The following TRDN variants were observed in gnomAD, a reference collection of about 807,000 sequenced individuals.
TRDN encodes the protein triadin, also known as triadin in skeletal muscle.
In TRDN, 161 loss-of-function variants were observed where a neutral mutation model predicts 149.7. The ratio of observed to expected loss-of-function variants is 1.08; its 90% CI spans 0.95 to 1.23. The LOEUF (loss-of-function observed/expected upper bound fraction) is 1.23. Among genes scored for constraint, TRDN ranks in the 50% most tolerant of loss-of-function variants. The pLI is 0.00. For missense variants in TRDN, 896 were observed against 823.5 expected (o/e 1.09, Z -1.08); for synonymous variants, 294 against 250.5 (o/e 1.17, Z -1.64).
At chr6:123,536,690 TAAATAA>T (rs1445299553) in intron 4 of TRDN, among the ~76,000 whole-genome samples, 1 of 128,632 alleles carries the variant, frequency 7.8e-6, no homozygotes, top group African/African-American at 3.0e-5. Flanking sequence ...ATCTCTACAA[TAAATAA>T]ATAAATAAAT....
intron 29 of TRDN, among the ~76,000 whole-genome samples, chr6:123,272,195 AGGATT>A (rs1257008740): frequency 6.6e-6 from 1 of 151,974 alleles, no homozygotes; most frequent in Non-Finnish European, 1.5e-5. Flanking sequence ...AAGTAAGCAA[AGGATT>A]TCCTAAGATT....
At chr6:123,383,119 A>G (rs945839254) in intron 14 of TRDN, among the ~76,000 whole-genome samples, 9 of 152,052 alleles carry the variant, frequency 5.9e-5, no homozygotes, top group African/African-American at 2.2e-4. Flanking sequence ...TTGCAAGTTA[A>G]TGGATTTCTG....
At chr6:123,430,378 T>A (rs964173879) in intron 12 of TRDN, among the ~76,000 whole-genome samples, 22 of 151,350 alleles carry the variant, frequency 1.5e-4, no homozygotes, top group African/African-American at 4.1e-4. Flanking sequence ...GTCAGGAGAT[T>A]GAGACCACCC....
chr6:123,536,140 G>A (rs182466757), intron 4 of TRDN, among the ~76,000 whole-genome samples: 131 of 152,214 alleles, frequency 8.6e-4, no homozygotes, highest in African/African-American at 3.1e-3. Flanking sequence ...AGCATCATTT[G>A]TGTCAAGTAA....
At chr6:123,354,715 A>C (rs1780593102) in intron 20 of TRDN, among the ~76,000 whole-genome samples, 1 of 151,730 alleles carries the variant, frequency 6.6e-6, no homozygotes, top group Non-Finnish European at 1.5e-5. Flanking sequence ...CTTAACATAC[A>C]TCTAATTGAA....
chr6:123,242,812 T>C (rs1776037869), intron 38 of TRDN, among the ~76,000 whole-genome samples: 1 of 151,750 alleles, frequency 6.6e-6, no homozygotes, highest in Non-Finnish European at 1.5e-5. Context: ...ATACTAGATA[T>C]GGGAGAGTTC....
chr6:123,538,312 G>T (rs1443582003), intron 4 of TRDN, among the ~76,000 whole-genome samples: 1 of 152,040 alleles, frequency 6.6e-6, no homozygotes, highest in Non-Finnish European at 1.5e-5. Flanking sequence ...CAGATTAATT[G>T]TAACAGATGA....
At chr6:123,547,295 A>G in intron 4 of TRDN, 45 bp downstream of exon 4, 1 of 1,229,756 alleles carries the variant, frequency 8.1e-7, no homozygotes, top group Non-Finnish European at 1.1e-6. Flanking sequence ...AACCAATATT[A>G]CCATAAGAGA....
Position 123,377,909 on chromosome 6 carries a change from T to C in TRDN, c.1187-11A>G. On this transcript the variant is annotated splice_polypyrimidine_tract_variant and intron_variant, in intron 16 of 40. Coordinates refer to ENST00000334268, the MANE Select transcript of TRDN (RefSeq NM_006073.4). ...CTTTCTTTTCCTGTTCTGAAACATA[T>C]TATTATTGTTATTATTATTATCGTT... The C allele has an allele frequency of 7.1e-7, 1 of 1,398,668 alleles. No homozygotes were observed. The highest frequency in any genetic ancestry group is 9.7e-7 in the Non-Finnish European group (1 of 1,026,552). The allele number at this position is 1,398,668 out of a possible 1,614,324, so 86.6% of individuals were successfully genotyped here. A position where few individuals can be genotyped will look rare whatever the true frequency, so the allele number is the denominator to read the frequency against.
At chr6:123,382,234 A>ATTTT in intron 14 of TRDN, 87 bp from the exon 15 acceptor site, 6 of 847,246 alleles carry the variant, frequency 7.1e-6, no homozygotes, top group Non-Finnish European at 1.0e-5. Context: ...TAAACAATCA[A>ATTTT]ATAAAATTGA....
chr6:123,389,319 A>G (rs1782021596), intron 13 of TRDN: 1 of 152,208 alleles, frequency 6.6e-6, no homozygotes, highest in South Asian at 2.1e-4. Context: ...ATCTTAGGCC[A>G]CATTAGTTGA....
intron 1 of TRDN, among the ~76,000 whole-genome samples, chr6:123,596,976 G>T (rs1784067105): frequency 6.6e-6 from 1 of 152,020 alleles, no homozygotes; most frequent in South Asian, 2.1e-4. Context: ...ATGGATCAAA[G>T]AGTAATTTTT....
Position 123,269,869 on chromosome 6 carries a change from G to C in TRDN, c.1721-3C>G. The C allele has an allele frequency of 1.2e-6, 2 of 1,610,286 alleles. No homozygotes were observed. The highest frequency in any genetic ancestry group is 8.5e-7 in the Non-Finnish European group (1 of 1,177,874). ...CTTACTTGTTGGTTTGGGCTTGGCT[G>C]TGGAGAATGGAGGCAAGCACATGGC... On this transcript the variant is annotated splice_region_variant and splice_polypyrimidine_tract_variant and intron_variant, in intron 30 of 40. Transcript: ENST00000334268.
chr6:123,462,871 T>C (rs142873914), intron 10 of TRDN: 64 of 152,274 alleles, frequency 4.2e-4, no homozygotes, highest in African/African-American at 1.4e-3. Context: ...CTGCAAGCCC[T>C]GACAAAGCCC....
chr6:123,268,192 G>A (rs1386226803), intron 31 of TRDN, among the ~76,000 whole-genome samples: 2 of 152,016 alleles, frequency 1.3e-5, no homozygotes, highest in East Asian at 3.9e-4. Context: ...GCAATGCACT[G>A]CTGAACACTA....
At chr6:123,399,396 T>C (rs572351384) in intron 12 of TRDN, among the ~76,000 whole-genome samples, 198 of 152,322 alleles carry the variant, frequency 1.3e-3, no homozygotes, top group African/African-American at 4.5e-3. Flanking sequence ...TTAATTTAAA[T>C]GATTAGCAGA....
chr6:123,588,907 C>A (rs1363262782), intron 1 of TRDN, among the ~76,000 whole-genome samples: 1 of 152,012 alleles, frequency 6.6e-6, no homozygotes, highest in African/African-American at 2.4e-5. Flanking sequence ...GTTAAAATAA[C>A]AGAAATCATG....
Position 123,499,719 on chromosome 6 carries a change from A to AAAAAATAT in TRDN, c.794-2468_794-2467insATATTTTT. Among the ~76,000 whole-genome samples, 18 of 47,670 alleles carry AAAAAATAT rather than the reference A, an allele frequency of 3.8e-4. 3 individuals are homozygous for AAAAAATAT. The highest frequency in any genetic ancestry group is 4.9e-4 in the Non-Finnish European group (11 of 22,302). The allele number at this position is 47,670 out of a possible 152,430, so 31.3% of individuals were successfully genotyped here. A position where few individuals can be genotyped will look rare whatever the true frequency, so the allele number is the denominator to read the frequency against. On this transcript the variant is annotated intron_variant, in intron 8 of 40. Transcript: ENST00000334268. ...ATTCTGGCTCAAAAAAAAAAAAAAA[A>AAAAAATAT]ATATATATATATATATATATATATA... is the stretch of plus-strand genomic sequence containing the variant.
In TRDN at chr6:123,516,182, CCTTTTTCTTTTT is replaced by C; in HGVS notation, c.497_508del (p.Glu166_Lys169del). The C allele has an allele frequency of 6.7e-7, 1 of 1,487,182 alleles. No homozygotes were observed. Among genetic ancestry groups the C allele is most frequent in the South Asian group, 1.2e-5 (1 of 80,512 alleles). 92.1% of individuals were successfully genotyped at this position (1,487,182 alleles called of 1,614,324 possible). ...TTCTTTTTCTCTTACTTTTTCTTTT[CCTTTTTCTTTTT>C]CTTTGTGTGTAACTGAAAAGAAACA... On this transcript the variant is annotated inframe_deletion, in exon 6 of 41. Transcript: ENST00000334268.
Sources: allele counts gnomAD v4.1 joint callset (sites outside exome capture counted in the v4.1 genomes callset), GRCh38; gene constraint gnomAD v4.1.1; transcripts MANE v1.5; gene names NCBI Gene and HGNC (gene_info 2026-07-23, HGNC 2026-07-21).